The following PCDHGB3 variants were observed in gnomAD, a reference collection of about 807,000 sequenced individuals.
PCDHGB3 encodes protocadherin gamma subfamily B, 3.
PCDHGB3 carries 40 observed loss-of-function variants against 59.2 expected under a neutral mutation model. The ratio of observed to expected loss-of-function variants is 0.68; its 90% CI spans 0.52 to 0.88. PCDHGB3 has a LOEUF of 0.88. Ranked by LOEUF, PCDHGB3 falls within the 40% of genes least tolerant of loss-of-function variation. The pLI, the probability that PCDHGB3 is intolerant of heterozygous loss-of-function variation, is 0.00. For missense variants in PCDHGB3, 1,309 were observed against 1,187.9 expected, an observed-to-expected ratio of 1.10 and a Z score of -1.50; for synonymous variants, 581 against 503.6, an observed-to-expected ratio of 1.15 and a Z score of -2.06.
At chr5:141,501,298 C>T (rs998006748) in intron 2 of PCDHGB3, among the ~76,000 whole-genome samples, 216 of 148,422 alleles carry the variant, frequency 1.5e-3, no homozygotes, top group Admixed American at 2.4e-3. Context: ...TATACACACA[C>T]ACACACACAC....
At chr5:141,468,330 C>CAAAAAAAAAAAA (rs533390277) in intron 1 of PCDHGB3, 1 of 79,864 alleles carries the variant, frequency 1.3e-5, no homozygotes, top group African/African-American at 3.9e-5. Context: ...AACTCCATCT[C>CAAAAAAAAAAAA]AAAAAAAAAA....
At chr5:141,390,424 T>C (rs1175804708) in intron 1 of PCDHGB3, 23 of 1,041,938 alleles carry the variant, frequency 2.2e-5, no homozygotes, top group Non-Finnish European at 3.0e-5. Flanking sequence ...GTTAAAAAGC[T>C]GTCATATCAT....
intron 1 of PCDHGB3, chr5:141,419,411 C>A (rs757881409): frequency 1.9e-6 from 3 of 1,613,462 alleles, no homozygotes; most frequent in Non-Finnish European, 2.5e-6. Context: ...GTTCGCGCAG[C>A]GCGCCTTCGA....
Position 141,372,378 on chromosome 5 carries a change from C to T in PCDHGB3, c.1984C>T (p.Leu662=). Residue 662 remains leucine (L), a synonymous_variant, in exon 1 of 4, where the codon CTA becomes TTA. Transcript: ENST00000576222. ...TCTTTCAGCCACCGTCATGCTGCAC[C>T]TAATCTTCGCAGATAGCTTGCAAGA... ...QPLSATVMLH[L]IFADSLQEIQ... is the part of the protein sequence containing the mutation. The T allele has an allele frequency of 6.2e-7, 1 of 1,614,030 alleles. No homozygotes were observed. Among genetic ancestry groups the T allele is most frequent in the African/African-American group, 1.3e-5 (1 of 75,088 alleles).
At chr5:141,384,901 A>G in intron 1 of PCDHGB3, 1 of 1,613,838 alleles carries the variant, frequency 6.2e-7, no homozygotes, top group South Asian at 1.1e-5. Flanking sequence ...GGCTGACAGC[A>G]TCCCCGAAGT....
At position 141,436,706 on chromosome 5, in the gene PCDHGB3, A is replaced by G. The variant is rs149478256; in HGVS notation, c.2416-58101A>G. 3.9e-3 allele frequency among the ~76,000 whole-genome samples: 587 copies of G among 152,318 alleles called. 6 individuals are homozygous for G. Among genetic ancestry groups the G allele is most frequent in the Admixed American group, 0.011 (169 of 15,304 alleles). On this transcript the variant is annotated intron_variant, in intron 1 of 3. Transcript: ENST00000576222. ...TATATTTTCAATGCCAGCACACTCG[A>G]TGTTCTGTTGGGAAAAATAATAATG...
At chr5:141,458,921 C>T (rs1471065767) in intron 1 of PCDHGB3, among the ~76,000 whole-genome samples, 1 of 151,960 alleles carries the variant, frequency 6.6e-6, no homozygotes, top group East Asian at 1.9e-4. Flanking sequence ...TTTGTGGAGA[C>T]GGGGTCTCAC....
At chr5:141,423,100 G>A in intron 1 of PCDHGB3, 1 of 1,613,944 alleles carries the variant, frequency 6.2e-7, no homozygotes, top group Non-Finnish European at 8.5e-7. Context: ...GGAGCACACG[G>A]GCGAGGTGCG....
At chr5:141,413,333 C>T in intron 1 of PCDHGB3, 1 of 1,613,966 alleles carries the variant, frequency 6.2e-7, no homozygotes, top group Non-Finnish European at 8.5e-7. Context: ...GGCAACATCT[C>T]CAAGGACTTG....
chr5:141,393,137 C>T (rs777446564), intron 1 of PCDHGB3: 14 of 1,613,286 alleles, frequency 8.7e-6, no homozygotes, highest in South Asian at 2.2e-5. Context: ...ATATTAACAC[C>T]CTGGTTGAGG....
rs777168071 is a variant in PCDHGB3 at position 141,477,745 on chromosome 5, C to A, written c.2416-17062C>A. The A allele has an allele frequency of 5.0e-6, 8 of 1,613,682 alleles. No homozygotes were observed. The highest frequency in any genetic ancestry group is 6.8e-6 in the Non-Finnish European group (8 of 1,180,042). On this transcript the variant is annotated intron_variant, in intron 1 of 3. Transcript: ENST00000576222. The surrounding 1 kb of genome is among the most constrained non-coding windows in gnomAD (Gnocchi z 4.9). ...TAACAGCTCATATCAGCGATGGGGG[C>A]ACCCCGGTCCTAGCCACCAACATCA...
rs767397479 is a variant in PCDHGB3 at position 141,430,717 on chromosome 5, T to C, written c.2415+57908T>C. On this transcript the variant is annotated intron_variant, in intron 1 of 3. Transcript: ENST00000576222. ...GCGAAGGAACTGCTCCTGACTTCAG[T>C]GGTTAAGGGCAGAATTGAAAATAAT... is the stretch of plus-strand genomic sequence containing the variant. The C allele has an allele frequency of 8.1e-6, 12 of 1,475,446 alleles. No individual in the cohort carries two copies. The East Asian group carries it at 2.4e-4, about 29-fold the overall frequency. 91.4% of individuals were successfully genotyped at this position (1,475,446 alleles called of 1,614,324 possible). A position where few individuals can be genotyped will look rare whatever the true frequency, so the allele number is the denominator to read the frequency against.
At chr5:141,373,411 T>C (rs1045675973) in intron 1 of PCDHGB3, among the ~76,000 whole-genome samples, 3 of 152,242 alleles carry the variant, frequency 2.0e-5, no homozygotes, top group Non-Finnish European at 2.9e-5. Flanking sequence ...TAGTCCCAGC[T>C]ACTCGGGAGG....
chr5:141,399,656 T>C, intron 1 of PCDHGB3: 1 of 1,613,694 alleles, frequency 6.2e-7, no homozygotes, highest in Non-Finnish European at 8.5e-7. Context: ...AGTGGGGTGG[T>C]GTTCGCGCAG....
In PCDHGB3 at chr5:141,476,599, TC is replaced by T; in HGVS notation, c.2416-18205del. The T allele has an allele frequency of 6.2e-7, 1 of 1,614,210 alleles. No individual in the cohort carries two copies. ...GCTTTCCGCTCGAGAGCGCGCACGA[TC>T]CCGATGTGGGAAGCAACTCTTTACA... is the stretch of plus-strand genomic sequence containing the variant. On this transcript the variant is annotated intron_variant, in intron 1 of 3. Transcript: ENST00000576222. This position sits in a 1 kb window ranked among gnomAD's most constrained non-coding sequence, Gnocchi z 7.6.
intron 1 of PCDHGB3, among the ~76,000 whole-genome samples, chr5:141,459,014 T>G (rs1429233660): frequency 6.6e-6 from 1 of 152,240 alleles, no homozygotes; most frequent in Non-Finnish European, 1.5e-5. Flanking sequence ...ATTACAGGCA[T>G]GAGCCACCAC....
chr5:141,400,190 T>G (rs914854634), intron 1 of PCDHGB3: 1 of 1,613,898 alleles, frequency 6.2e-7, no homozygotes, highest in Non-Finnish European at 8.5e-7. Context: ...CAGTTTTACC[T>G]AGTGGTGGCC....
intron 1 of PCDHGB3, chr5:141,409,421 G>C (rs1381290106): frequency 6.2e-7 from 1 of 1,614,044 alleles, no homozygotes; most frequent in South Asian, 1.1e-5. Context: ...ACTGGTGACA[G>C]ATGGAGCCCT....
At chr5:141,414,099 A>G in intron 1 of PCDHGB3, 1 of 1,593,504 alleles carries the variant, frequency 6.3e-7, no homozygotes, top group Non-Finnish European at 8.5e-7. Flanking sequence ...TAAAAATATC[A>G]GAAAATCTAG....
Sources: gnomAD v4.1 joint callset for allele counts (sites outside exome capture counted in the v4.1 genomes callset) on GRCh38, gnomAD v4.1.1 for gene constraint, Gnocchi (gnomAD v3.1) non-coding constraint, MANE v1.5 for transcripts, NCBI Gene and HGNC (gene_info 2026-07-23, HGNC 2026-07-21) for gene names.